The following THEMIS variants were observed in gnomAD, a reference collection of about 807,000 sequenced individuals.
THEMIS encodes the protein protein THEMIS.
THEMIS carries 37 observed loss-of-function variants against 52.6 expected under a neutral mutation model. The ratio of observed to expected loss-of-function variants is 0.70; its 90% confidence interval spans 0.54 to 0.93. The LOEUF (loss-of-function observed/expected upper bound fraction) is 0.93, where lower values mean the gene tolerates loss of function less well. Ranked by LOEUF, THEMIS falls within the 40% of genes least tolerant of loss-of-function variation. THEMIS has a pLI of 0.00. For missense variants in THEMIS, 808 were observed against 763.1 expected (o/e 1.06, Z -0.69); for synonymous variants, 292 against 272.7 (o/e 1.07, Z -0.70).
chr6:127,752,321 A>G (rs559425181), intron 4 of THEMIS, among the ~76,000 whole-genome samples: 2 of 151,476 alleles, frequency 1.3e-5, no homozygotes, highest in African/African-American at 4.8e-5. Flanking sequence ...AGAAATAAAT[A>G]AAATAGAGAC....
intron 3 of THEMIS, among the ~76,000 whole-genome samples, chr6:127,815,226 T>C (rs1210234447): frequency 6.6e-6 from 1 of 151,692 alleles, no homozygotes; most frequent in Non-Finnish European, 1.5e-5. Context: ...CTATATTTTC[T>C]TGATAATTTA....
chr6:127,740,660 A>C (rs1448633131), intron 4 of THEMIS, among the ~76,000 whole-genome samples: 1 of 152,176 alleles, frequency 6.6e-6, no homozygotes, highest in Non-Finnish European at 1.5e-5. Context: ...ATCCGAAAAT[A>C]AAGCTAGTAT....
At chr6:127,783,386 A>T (rs1374852337) in intron 4 of THEMIS, among the ~76,000 whole-genome samples, 1 of 152,236 alleles carries the variant, frequency 6.6e-6, no homozygotes, top group African/African-American at 2.4e-5. Flanking sequence ...AAAATTGACA[A>T]ATGGGATCTA....
intron 5 of THEMIS, among the ~76,000 whole-genome samples, chr6:127,712,477 T>C (rs1583188112): frequency 6.6e-6 from 1 of 152,050 alleles, no homozygotes; most frequent in East Asian, 1.9e-4. Flanking sequence ...ATAATTTAGG[T>C]TCTAAAATCC....
intron 4 of THEMIS, among the ~76,000 whole-genome samples, chr6:127,801,812 TC>T (rs1176495056): frequency 6.6e-6 from 1 of 152,140 alleles, no homozygotes; most frequent in Non-Finnish European, 1.5e-5. Context: ...TAGACAAAAG[TC>T]CTGGTGGGGC....
intron 1 of THEMIS, among the ~76,000 whole-genome samples, chr6:127,886,472 T>C (rs1047839731): frequency 4.6e-5 from 7 of 152,152 alleles, no homozygotes; most frequent in Non-Finnish European, 1.0e-4. Context: ...TTTGTGTATC[T>C]GGAACATTGG....
chr6:127,784,530 A>G (rs1020016163), intron 4 of THEMIS, among the ~76,000 whole-genome samples: 2 of 152,210 alleles, frequency 1.3e-5, no homozygotes, highest in Non-Finnish European at 2.9e-5. Flanking sequence ...TCAGCACATT[A>G]AATCCTCTCA....
intron 4 of THEMIS, among the ~76,000 whole-genome samples, chr6:127,760,375 T>C (rs1203358635): frequency 1.3e-5 from 2 of 152,170 alleles, no homozygotes; most frequent in African/African-American, 4.8e-5. Context: ...GCCTTCATGG[T>C]TTCATATGAC....
chr6:127,697,945 T>G, the THEMIS span, among the ~76,000 whole-genome samples: 1 of 152,196 alleles, frequency 6.6e-6, no homozygotes, highest in African/African-American at 2.4e-5. Context: ...TACTCCTCCA[T>G]GTATAGTATC....
chr6:127,781,758 C>T (rs1416876214), intron 4 of THEMIS, among the ~76,000 whole-genome samples: 1 of 152,166 alleles, frequency 6.6e-6, no homozygotes, highest in Non-Finnish European at 1.5e-5. Context: ...CCTGTTCCTT[C>T]CTCTGGAAGC....
chr6:127,765,131 T>C (rs1287794253), intron 4 of THEMIS, among the ~76,000 whole-genome samples: 3 of 152,038 alleles, frequency 2.0e-5, no homozygotes, highest in Non-Finnish European at 4.4e-5. Flanking sequence ...TAAAAAAATA[T>C]ATGAAAGGTC....
intron 3 of THEMIS, among the ~76,000 whole-genome samples, chr6:127,820,507 T>A (rs983381464): frequency 6.6e-6 from 1 of 152,100 alleles, no homozygotes; most frequent in Non-Finnish European, 1.5e-5. Context: ...GGAAATGAAT[T>A]GACACTTTGA....
At chr6:127,908,697 G>A (rs1781337461) in intron 1 of THEMIS, among the ~76,000 whole-genome samples, 1 of 152,118 alleles carries the variant, frequency 6.6e-6, no homozygotes. Flanking sequence ...GAGGTCCTGT[G>A]ATGTAACTCT....
At chr6:127,907,336 G>GTTTTTT (rs1444629822) in intron 1 of THEMIS, among the ~76,000 whole-genome samples, 5 of 28,600 alleles carry the variant, frequency 1.7e-4, no homozygotes, top group African/African-American at 3.2e-4. Context: ...ATTAGGCTCG[G>GTTTTTT]ATTTTTTTTT....
intron 1 of THEMIS, among the ~76,000 whole-genome samples, chr6:127,912,440 C>G (rs1475879499): frequency 6.6e-6 from 1 of 152,148 alleles, no homozygotes; most frequent in African/African-American, 2.4e-5. Context: ...TCCAAGCTGT[C>G]CTTGTTCATT....
chr6:127,863,430 T>C (rs1344585617), intron 1 of THEMIS, among the ~76,000 whole-genome samples: 2 of 152,186 alleles, frequency 1.3e-5, no homozygotes, highest in African/African-American at 4.8e-5. Context: ...AAAAATTTCT[T>C]CATTTTATTA....
At chr6:127,730,326 G>GAAAAGAAAAGAAAAGAAAAA (rs1562219924) in intron 4 of THEMIS, among the ~76,000 whole-genome samples, 6 of 128,638 alleles carry the variant, frequency 4.7e-5, no homozygotes, top group African/African-American at 1.7e-4. Flanking sequence ...GAGAAAAAAA[G>GAAAAGAAAAGAAAAGAAAAA]AAAAGAAAAG....
rs1777985625 is a variant in THEMIS at position 127,813,220 on chromosome 6, G to C, written c.1421C>G (p.Ala474Gly). ...CTCCAACTGCAGTCCTGGTGTGGCAGCCAACACGTCCTCTTCAATGGAAAG... is the reference window on the plus strand; with the variant it reads ...CTCCAACTGCAGTCCTGGTGTGGCACCCAACACGTCCTCTTCAATGGAAAG... ...RDLSIEEDVLAATPGLQLEED... is the reference protein window; with the variant it reads ...RDLSIEEDVLGATPGLQLEED... The change falls in exon 4 of 6, where the codon GCT becomes GGT. Residue 474 changes from alanine to glycine, a missense_variant. Physicochemically the swap from Ala to Gly is moderately conservative, Grantham distance 60. Coordinates refer to ENST00000368248, the MANE Select transcript of THEMIS (RefSeq NM_001010923.3). 1 of 1,614,080 alleles carries C rather than the reference G, an allele frequency of 6.2e-7. No individual in the cohort carries two copies. Among genetic ancestry groups the C allele is most frequent in the African/African-American group, 1.3e-5 (1 of 74,996 alleles).
At chr6:127,880,142 C>G (rs1254938797) in intron 1 of THEMIS, among the ~76,000 whole-genome samples, 1 of 151,844 alleles carries the variant, frequency 6.6e-6, no homozygotes, top group East Asian at 1.9e-4. Context: ...TTATATGTTC[C>G]CCTTTTCCAT....
Sources: gnomAD v4.1 joint callset for allele counts (sites outside exome capture counted in the v4.1 genomes callset) on GRCh38, gnomAD v4.1.1 for gene constraint, MANE v1.5 for transcripts, NCBI Gene and HGNC (gene_info 2026-07-23, HGNC 2026-07-21) for gene names.